SH3PXD2A: variants seen among roughly 807,000 people sequenced by gnomAD.
The protein encoded by SH3PXD2A is SH3 and PX domain-containing protein 2A.
In SH3PXD2A, 32 loss-of-function variants were observed where a neutral mutation model predicts 115.2. The ratio of observed to expected loss-of-function variants is 0.28; its 90% CI spans 0.21 to 0.37. The LOEUF is 0.37. SH3PXD2A is among the 10% of genes least tolerant of loss of function. The pLI is 1.00. For synonymous variants in SH3PXD2A, 610 were observed against 629.1 expected (o/e 0.97, Z 0.45); for missense variants, 1,328 against 1,498.7 (o/e 0.89, Z 1.88).
chr10:103,721,787 C>T (rs2038185463), intron 5 of SH3PXD2A, among the ~76,000 whole-genome samples: 1 of 152,038 alleles, frequency 6.6e-6, no homozygotes, highest in Non-Finnish European at 1.5e-5. Flanking sequence ...CTTCCCTTGC[C>T]CTGAGGCAAG....
At chr10:103,614,788 G>T (rs1418775223) in intron 11 of SH3PXD2A, among the ~76,000 whole-genome samples, 1 of 149,576 alleles carries the variant, frequency 6.7e-6, no homozygotes, top group Non-Finnish European at 1.5e-5. Context: ...TTCCTGATCT[G>T]ACCTTGTTCT....
intron 3 of SH3PXD2A, among the ~76,000 whole-genome samples, chr10:103,748,935 C>T (rs1051514313): frequency 1.1e-4 from 16 of 152,006 alleles, no homozygotes; most frequent in African/African-American, 2.9e-4. Flanking sequence ...AGACCCTGCC[C>T]GAAGCCCTTC....
intron 1 of SH3PXD2A, among the ~76,000 whole-genome samples, chr10:103,843,813 C>G (rs1842811316): frequency 6.6e-6 from 1 of 152,212 alleles, no homozygotes; most frequent in Non-Finnish European, 1.5e-5. Context: ...CTGGCTCCCA[C>G]TGTTGCTGCC....
chr10:103,686,745 A>T (rs1268536072), intron 6 of SH3PXD2A, among the ~76,000 whole-genome samples: 3 of 128,570 alleles, frequency 2.3e-5, no homozygotes, highest in East Asian at 2.3e-4. Flanking sequence ...TTGCTGGGGA[A>T]TTTTTTTTTT....
At chr10:103,664,826 C>T (rs2037363246) in intron 7 of SH3PXD2A, among the ~76,000 whole-genome samples, 1 of 151,520 alleles carries the variant, frequency 6.6e-6, no homozygotes, top group African/African-American at 2.4e-5. Flanking sequence ...ACCACCATAC[C>T]TGGCTAAATT....
At position 103,735,798 on chromosome 10, in the gene SH3PXD2A, G is replaced by A; in HGVS notation, c.240C>T (p.Leu80=). The change falls in exon 4 of 15, where the codon CTC becomes CTT. Residue 80 remains leucine (L), a synonymous_variant. Coordinates refer to ENST00000369774, the MANE Select transcript of SH3PXD2A (RefSeq NM_001394015.1). ...CGTCCCGGATGTGGCTTCTGCGGAA[G>A]AGGATCTTGCCTGGAAGAGAGATGC... ...RIIPFLPGKI[L]FRRSHIRDVA... 1.2e-6 allele frequency: 2 copies of A among 1,613,900 alleles called. No individual in the cohort carries two copies. The highest frequency in any genetic ancestry group is 1.1e-5 in the South Asian group (1 of 91,072).
At position 103,653,064 on chromosome 10, in the gene SH3PXD2A, C is replaced by T. The variant is rs1181641772; in HGVS notation, c.604+7919G>A. ...GTCTTTCCTGACCACACCCCTGCCC[C>T]CTCCCTGCTGCTGACGTCTCCACAG... On this transcript the variant is annotated intron_variant, in intron 8 of 14. Coordinates refer to ENST00000369774, the MANE Select transcript of SH3PXD2A (RefSeq NM_001394015.1). Among the ~76,000 whole-genome samples, 3 of 152,182 alleles carry T rather than the reference C, an allele frequency of 2.0e-5. No individual in the cohort carries two copies. The East Asian group carries it at 5.8e-4, about 29-fold the overall frequency.
chr10:103,659,142 T>C (rs900754387), intron 8 of SH3PXD2A, among the ~76,000 whole-genome samples: 1 of 152,180 alleles, frequency 6.6e-6, no homozygotes. Flanking sequence ...CCCAGGGTCC[T>C]GTAGATGGGA....
intron 2 of SH3PXD2A, among the ~76,000 whole-genome samples, chr10:103,768,065 C>A (rs1287942853): frequency 1.3e-5 from 2 of 152,188 alleles, no homozygotes; most frequent in African/African-American, 2.4e-5. Context: ...GTCACATGAT[C>A]TTTGAAGTCC....
chr10:103,728,897 GT>G (rs57283527), intron 4 of SH3PXD2A, among the ~76,000 whole-genome samples: 98 of 135,842 alleles, frequency 7.2e-4, no homozygotes, highest in Admixed American at 1.0e-3. Flanking sequence ...TTGTTTGTTT[GT>G]TTTTTTTTTT....
At chr10:103,766,806 T>C in intron 3 of SH3PXD2A, among the ~76,000 whole-genome samples, 1 of 152,204 alleles carries the variant, frequency 6.6e-6, no homozygotes, top group Non-Finnish European at 1.5e-5. Flanking sequence ...ACTTGGTCTC[T>C]CTGTGCTTTT....
chr10:103,666,501 G>A lies in SH3PXD2A; in HGVS notation c.472+2107C>T, dbSNP rs140820393. Among the ~76,000 whole-genome samples, 116 of 152,216 alleles carry A rather than the reference G, an allele frequency of 7.6e-4. 1 individual carries two copies. Among genetic ancestry groups the A allele is most frequent in the African/African-American group, 2.7e-3 (112 of 41,528 alleles). On this transcript the variant is annotated intron_variant, in intron 7 of 14. Transcript: ENST00000369774. The surrounding 1 kb of genome is among the most constrained non-coding windows in gnomAD (Gnocchi z 4.5). ...TATGTGCCTTGGACAAGAGTCTCTC[G>A]ACACTCCAGGACTGGTGCCTCAGGA...
At chr10:103,738,330 T>C (rs1440947712) in intron 3 of SH3PXD2A, among the ~76,000 whole-genome samples, 1 of 152,342 alleles carries the variant, frequency 6.6e-6, no homozygotes, top group East Asian at 1.9e-4. Flanking sequence ...TGTCGCTTGA[T>C]TGCTCACATG....
At chr10:103,841,388 T>C (rs1215607769) in intron 1 of SH3PXD2A, among the ~76,000 whole-genome samples, 3 of 152,184 alleles carry the variant, frequency 2.0e-5, no homozygotes, top group African/African-American at 7.2e-5. Flanking sequence ...CTTCCTGGTG[T>C]GTACCCTGCC....
intron 2 of SH3PXD2A, among the ~76,000 whole-genome samples, chr10:103,787,582 GAAACCCAGAAAA>G (rs1489012577): frequency 1.3e-5 from 2 of 152,154 alleles, no homozygotes; most frequent in African/African-American, 2.4e-5. Context: ...GAAGCCCTGG[GAAACCCAGAAAA>G]AAACCAAGCC....
intron 1 of SH3PXD2A, among the ~76,000 whole-genome samples, chr10:103,803,164 G>A (rs969547534): frequency 5.9e-5 from 9 of 152,126 alleles, no homozygotes; most frequent in South Asian, 4.1e-4. Context: ...AGTTTTTTCT[G>A]AAACGCAACC....
At chr10:103,817,696 G>T (rs949045382) in intron 1 of SH3PXD2A, among the ~76,000 whole-genome samples, 1 of 152,142 alleles carries the variant, frequency 6.6e-6, no homozygotes, top group African/African-American at 2.4e-5. Context: ...CATGGTATTT[G>T]GTTTTCTGTT....
chr10:103,758,130 C>T (rs2038663030), intron 3 of SH3PXD2A, among the ~76,000 whole-genome samples: 1 of 152,232 alleles, frequency 6.6e-6, no homozygotes, highest in Admixed American at 6.5e-5. Flanking sequence ...GATGGCACAG[C>T]TCACAAACAC....
intron 3 of SH3PXD2A, among the ~76,000 whole-genome samples, chr10:103,747,752 G>A (rs866151884): frequency 6.6e-6 from 1 of 152,210 alleles, no homozygotes; most frequent in South Asian, 2.1e-4. Context: ...CCACAGGGGA[G>A]TTTGCCTGGC....
Sources: allele counts gnomAD v4.1 joint callset (sites outside exome capture counted in the v4.1 genomes callset), GRCh38; gene constraint gnomAD v4.1.1; non-coding constraint Gnocchi (gnomAD v3.1); transcripts MANE v1.5; gene names NCBI Gene and HGNC (gene_info 2026-07-23, HGNC 2026-07-21).